Variants in ABTB3 observed in about 807,000 individuals in gnomAD.
ABTB3 encodes the protein ankyrin repeat- and BTB/POZ domain-containing protein 3.
the ABTB3 span, among the ~76,000 whole-genome samples, chr12:107,631,142 A>G: frequency 6.6e-6 from 1 of 152,008 alleles, no homozygotes; most frequent in African/African-American, 2.4e-5. Flanking sequence ...TGTTGTTCCC[A>G]ACTTTATTTC....
the ABTB3 span, among the ~76,000 whole-genome samples, chr12:107,570,034 C>T: frequency 6.6e-5 from 10 of 152,232 alleles, no homozygotes; most frequent in Non-Finnish European, 2.9e-5. Context: ...GCTGCTTAGA[C>T]CTCATTGTAA....
the ABTB3 span, among the ~76,000 whole-genome samples, chr12:107,551,845 C>T: frequency 6.6e-6 from 1 of 152,060 alleles, no homozygotes; most frequent in Admixed American, 6.5e-5. Context: ...CTCCACCTCC[C>T]GGGTTCAAGT....
the ABTB3 span, among the ~76,000 whole-genome samples, chr12:107,635,639 G>A: frequency 6.6e-6 from 1 of 152,120 alleles, no homozygotes; most frequent in African/African-American, 2.4e-5. Context: ...GACAGTGGGG[G>A]CTGCCAAAGG....
the ABTB3 span, chr12:107,319,324 G>A: frequency 6.5e-7 from 1 of 1,546,306 alleles, no homozygotes; most frequent in South Asian, 1.2e-5. Flanking sequence ...CCAAGGACGC[G>A]CTGGCCAAGC....
chr12:107,493,610 G>A, the ABTB3 span, among the ~76,000 whole-genome samples: 1 of 152,136 alleles, frequency 6.6e-6, no homozygotes, highest in African/African-American at 2.4e-5. Context: ...ATATGGTGAG[G>A]TCCTAACCCC....
At chr12:107,437,648 T>C in the ABTB3 span, among the ~76,000 whole-genome samples, 1 of 152,158 alleles carries the variant, frequency 6.6e-6, no homozygotes, top group Non-Finnish European at 1.5e-5. Context: ...GTGCTCCACC[T>C]GCCTTAGCCT....
the ABTB3 span, among the ~76,000 whole-genome samples, chr12:107,587,918 A>G: frequency 6.6e-6 from 1 of 152,176 alleles, no homozygotes; most frequent in African/African-American, 2.4e-5. Flanking sequence ...AAAACAACAG[A>G]CATTTATTGT....
chr12:107,647,904 C>T, the ABTB3 span, among the ~76,000 whole-genome samples: 1 of 152,144 alleles, frequency 6.6e-6, no homozygotes, highest in East Asian at 1.9e-4. Flanking sequence ...CAATTCCAGG[C>T]TTATTGTACT....
the ABTB3 span, among the ~76,000 whole-genome samples, chr12:107,543,748 T>G: frequency 1.3e-5 from 2 of 151,976 alleles, no homozygotes. Flanking sequence ...CCAGATTCAG[T>G]AAGCCCTCCT....
chr12:107,647,237 G>A, the ABTB3 span, among the ~76,000 whole-genome samples: 3 of 152,208 alleles, frequency 2.0e-5, no homozygotes, highest in Non-Finnish European at 4.4e-5. Flanking sequence ...GGCTGAAGTG[G>A]AAGGATTGCT....
the ABTB3 span, chr12:107,318,515 G>GAGCCGGT: frequency 6.3e-6 from 1 of 158,048 alleles, no homozygotes; most frequent in African/African-American, 2.4e-5. Context: ...CGGGAGCCGG[G>GAGCCGGT]AGCCAGCTGC....
At chr12:107,364,417 G>A in the ABTB3 span, among the ~76,000 whole-genome samples, 1 of 151,828 alleles carries the variant, frequency 6.6e-6, no homozygotes, top group Non-Finnish European at 1.5e-5. Flanking sequence ...GCCCTCCTGA[G>A]TAGCTGGAAC....
chr12:107,593,147 G>A, the ABTB3 span, among the ~76,000 whole-genome samples: 1 of 152,190 alleles, frequency 6.6e-6, no homozygotes, highest in South Asian at 2.1e-4. Flanking sequence ...CCATAGAGCA[G>A]GGGTGAGCAA....
chr12:107,438,726 G>A, the ABTB3 span, among the ~76,000 whole-genome samples: 2 of 152,002 alleles, frequency 1.3e-5, no homozygotes, highest in Admixed American at 1.3e-4. Flanking sequence ...TCAATTTAAC[G>A]TCCCCAAAGT....
At chr12:107,378,485 G>T in the ABTB3 span, among the ~76,000 whole-genome samples, 1 of 152,212 alleles carries the variant, frequency 6.6e-6, no homozygotes, top group African/African-American at 2.4e-5. Flanking sequence ...AGGATCTGAG[G>T]CTCTGGGAGC....
At chr12:107,323,833 C>T in the ABTB3 span, among the ~76,000 whole-genome samples, 1 of 152,132 alleles carries the variant, frequency 6.6e-6, no homozygotes, top group Non-Finnish European at 1.5e-5. Context: ...CAGTGCCTGG[C>T]ACTTTGTATA....
the ABTB3 span, chr12:107,520,504 G>A: frequency 6.2e-7 from 1 of 1,614,116 alleles, no homozygotes; most frequent in Non-Finnish European, 8.5e-7. Context: ...GTGCCTACCA[G>A]ACAGCCTGAA....
chr12:107,406,511 G>T, the ABTB3 span, among the ~76,000 whole-genome samples: 18 of 151,864 alleles, frequency 1.2e-4, no homozygotes, highest in Non-Finnish European at 2.6e-4. Context: ...TCGGAGTCTG[G>T]TTGCTGTTGA....
At chr12:107,571,929 C>A in the ABTB3 span, among the ~76,000 whole-genome samples, 1 of 152,166 alleles carries the variant, frequency 6.6e-6, no homozygotes, top group Non-Finnish European at 1.5e-5. Context: ...AGCCTTTGGT[C>A]GGCATCAGAA....
Sources: allele counts gnomAD v4.1 joint callset (sites outside exome capture counted in the v4.1 genomes callset), GRCh38; gene constraint gnomAD v4.1.1; transcripts MANE v1.5; gene names NCBI Gene and HGNC (gene_info 2026-07-23, HGNC 2026-07-21).